The following DAW1 variants were observed in gnomAD, a reference collection of about 807,000 sequenced individuals.
DAW1 encodes dynein assembly factor with WD repeats 1.
DAW1 carries 47 observed loss-of-function variants against 56.5 expected under a neutral mutation model. The ratio of observed to expected loss-of-function variants is 0.83; its 90% CI spans 0.66 to 1.06. The LOEUF (loss-of-function observed/expected upper bound fraction) is 1.06. Among genes scored for constraint, DAW1 ranks in the 50% least tolerant of loss-of-function variants. The pLI is 0.00. For synonymous variants in DAW1, 190 were observed against 179.0 expected (o/e 1.06, Z -0.49); for missense variants, 505 against 499.3 (o/e 1.01, Z -0.11).
intron 6 of DAW1, among the ~76,000 whole-genome samples, 191 bp from the exon 7 acceptor site, chr2:227,902,811 C>T (rs1237605893): frequency 6.6e-6 from 1 of 152,184 alleles, no homozygotes; most frequent in Admixed American, 6.5e-5. Context: ...TGTGGGAGAA[C>T]AAGCAGCCTC....
chr2:227,891,853 A>G (rs1691273697), intron 4 of DAW1, among the ~76,000 whole-genome samples: 1 of 152,214 alleles, frequency 6.6e-6, no homozygotes, highest in Non-Finnish European at 1.5e-5. Context: ...TGGCTTACAC[A>G]ACCAAAATGT....
intron 10 of DAW1, among the ~76,000 whole-genome samples, chr2:227,910,258 C>G (rs1363383602): frequency 6.6e-6 from 1 of 151,770 alleles, no homozygotes; most frequent in Non-Finnish European, 1.5e-5. Flanking sequence ...TTGAGATGAG[C>G]CTGGGCAACA....
chr2:227,909,962 G>T, intron 10 of DAW1, among the ~76,000 whole-genome samples: 1 of 152,092 alleles, frequency 6.6e-6, no homozygotes, highest in African/African-American at 2.4e-5. Context: ...TCACAATGCC[G>T]CACTGTGTGT....
chr2:227,903,250 T>C (rs781341441), intron 7 of DAW1, 141 bp downstream of exon 7: 16 of 841,932 alleles, frequency 1.9e-5, no homozygotes, highest in Admixed American at 1.9e-4. Context: ...ACTGGTTTCC[T>C]GGCTATTCCA....
chr2:227,916,962 T>C (rs897670761), intron 10 of DAW1, among the ~76,000 whole-genome samples: 10 of 152,158 alleles, frequency 6.6e-5, no homozygotes, highest in African/African-American at 1.9e-4. Context: ...GTCTGTATAA[T>C]CTCCTTGTCA....
intron 1 of DAW1, 49 bp from the exon 2 acceptor site, chr2:227,885,302 A>G (rs775795106): frequency 1.5e-5 from 20 of 1,323,234 alleles, no homozygotes; most frequent in Non-Finnish European, 1.7e-5. Flanking sequence ...AACTTTTGAC[A>G]TAGGTGGTTA....
intron 1 of DAW1, among the ~76,000 whole-genome samples, chr2:227,879,915 T>A (rs1043693180): frequency 8.5e-5 from 13 of 152,180 alleles, no homozygotes; most frequent in Non-Finnish European, 1.5e-4. Flanking sequence ...ATTGATCTAA[T>A]TTTGTATCAA....
At chr2:227,877,878 G>A (rs1017804122) in intron 1 of DAW1, among the ~76,000 whole-genome samples, 13 of 152,226 alleles carry the variant, frequency 8.5e-5, no homozygotes, top group Admixed American at 3.3e-4. Flanking sequence ...AGGGCCCAGT[G>A]GGGTCGGGGG....
rs1691126779 is a variant in DAW1, at chr2:227,886,196, T to A, written c.113+773T>A. The stretch of plus-strand genomic sequence containing the variant: ...AATACTTCATAGGGCTGACTGCATA[T>A]GTTCCTCCTCATTAATTGTCATGGG... On this transcript the variant is annotated intron_variant, in intron 2 of 12. Coordinates refer to ENST00000309931, the MANE Select transcript of DAW1 (RefSeq NM_178821.3). Among the ~76,000 whole-genome samples, 6 of 152,304 alleles carry A rather than the reference T, an allele frequency of 3.9e-5. 1 individual carries two copies. In the South Asian group the frequency reaches 1.2e-3, roughly 32 times the overall value.
intron 1 of DAW1, chr2:227,876,389 T>A: frequency 8.0e-7 from 1 of 1,256,580 alleles, no homozygotes; most frequent in Non-Finnish European, 1.0e-6. Flanking sequence ...AATGCTTATC[T>A]TATAATGAGG....
Position 227,921,537 on chromosome 2 carries a change from T to C in DAW1, c.1189T>C (p.Tyr397His). ...TGAAATCTTTTCATGTGCTTTCAACTATAAAGGCAACATAGTCATTACAGG... is the reference window on the plus strand; with the variant it reads ...TGAAATCTTTTCATGTGCTTTCAACCATAAAGGCAACATAGTCATTACAGG... ...TDEIFSCAFN[Y>H]KGNIVITGSK... is the part of the protein sequence containing the mutation. The change falls in exon 12 of 13, where the codon TAT (tyrosine) becomes CAT (histidine). Residue 397 changes from tyrosine to histidine, a missense_variant. Transcript: ENST00000309931. 6.2e-7 allele frequency: 1 copy of C among 1,613,932 alleles called. No individual in the cohort carries two copies. The highest frequency in any genetic ancestry group is 8.5e-7 in the Non-Finnish European group (1 of 1,179,970).
Position 227,885,331 on chromosome 2 carries a change from ATG to A in DAW1, c.41-18_41-17del. 2 of 1,538,316 alleles carry A rather than the reference ATG, an allele frequency of 1.3e-6. No homozygotes were observed. Among genetic ancestry groups the A allele is most frequent in the East Asian group, 4.7e-5 (2 of 42,932 alleles). ...GTGGTTATCGTAAGTGTTTTATAAC[ATG>A]TTTGTTTATTTCTATAGGAATTATG... On this transcript the variant is annotated intron_variant, in intron 1 of 12. Coordinates refer to ENST00000309931, the MANE Select transcript of DAW1 (RefSeq NM_178821.3).
intron 5 of DAW1, among the ~76,000 whole-genome samples, chr2:227,894,890 C>T (rs1170347624): frequency 1.3e-5 from 2 of 152,146 alleles, no homozygotes; most frequent in African/African-American, 2.4e-5. Flanking sequence ...TCAACCAATG[C>T]GCTTATGTTG....
chr2:227,905,347 G>T (rs890079355), intron 8 of DAW1, among the ~76,000 whole-genome samples: 1 of 152,108 alleles, frequency 6.6e-6, no homozygotes, highest in Admixed American at 6.5e-5. Flanking sequence ...TGTTAGGCAG[G>T]AATATCATGT....
At chr2:227,918,130 A>ATCCATCCG (rs1692008195) in intron 10 of DAW1, among the ~76,000 whole-genome samples, 2 of 132,910 alleles carry the variant, frequency 1.5e-5, no homozygotes, top group South Asian at 2.3e-4. Flanking sequence ...TTCTCCATCC[A>ATCCATCCG]TCCATCCATC....
rs1009995366 is a variant in DAW1 at position 227,918,933 on chromosome 2, A to G, written c.1050+77A>G. On this transcript the variant is annotated intron_variant, in intron 11 of 12. Coordinates refer to ENST00000309931, the MANE Select transcript of DAW1 (RefSeq NM_178821.3). ...GCAGGGCCCAGGTGCAGTGCCTCAC[A>G]CCTATAATCCCAGCACTTTGAGAGG... 3.3e-5 allele frequency: 46 copies of G among 1,383,888 alleles called. No individual in the cohort carries two copies. In the Admixed American group the frequency reaches 8.1e-4, roughly 24 times the overall value. The allele number at this position is 1,383,888 out of a possible 1,614,324, so 85.7% of individuals were successfully genotyped here. A position where few individuals can be genotyped will look rare whatever the true frequency, so the allele number is the denominator to read the frequency against.
chr2:227,892,112 G>A (rs959587432), intron 4 of DAW1, among the ~76,000 whole-genome samples: 7 of 151,850 alleles, frequency 4.6e-5, no homozygotes, highest in Admixed American at 2.0e-4. Flanking sequence ...ACCCTACTGC[G>A]GCATGATCTC....
intron 6 of DAW1, among the ~76,000 whole-genome samples, chr2:227,902,656 G>A (rs2106203362): frequency 6.6e-6 from 1 of 152,178 alleles, no homozygotes; most frequent in African/African-American, 2.4e-5. Flanking sequence ...GGCTGTGATT[G>A]GAAGGACTGT....
intron 12 of DAW1, 75 bp downstream of exon 12, chr2:227,921,636 G>A: frequency 1.3e-6 from 2 of 1,484,884 alleles, no homozygotes; most frequent in South Asian, 1.3e-5. Context: ...AATACTAACA[G>A]GAGTTCATCC....
Sources: allele counts gnomAD v4.1 joint callset (sites outside exome capture counted in the v4.1 genomes callset), GRCh38; gene constraint gnomAD v4.1.1; transcripts MANE v1.5; gene names NCBI Gene and HGNC (gene_info 2026-07-23, HGNC 2026-07-21).